Variants in SLC4A8 observed in about 807,000 individuals in gnomAD.
SLC4A8 encodes electroneutral sodium bicarbonate exchanger 1.
A neutral mutation model predicts 125.0 loss-of-function variants in SLC4A8; 40 were observed. That is an observed-to-expected ratio of 0.32 (90% confidence interval 0.25 to 0.42). The LOEUF is 0.42. SLC4A8 is among the 10% of genes least tolerant of loss of function. The pLI is 1.00. For missense variants in SLC4A8, 863 were observed against 1,355.1 expected, an observed-to-expected ratio of 0.64 and a Z score of 5.70; for synonymous variants, 456 against 476.0, an observed-to-expected ratio of 0.96 and a Z score of 0.55.
At chr12:51,485,062 A>C (rs1471629513) in intron 16 of SLC4A8, among the ~76,000 whole-genome samples, 1 of 152,068 alleles carries the variant, frequency 6.6e-6, no homozygotes, top group Non-Finnish European at 1.5e-5. Context: ...GTGTGTTTGG[A>C]GCAGAGTGGG....
chr12:51,433,851 G>GTTTTTTTTTTTTTTTT (rs869249897), intron 1 of SLC4A8, among the ~76,000 whole-genome samples: 11 of 65,286 alleles, frequency 1.7e-4, no homozygotes, highest in Non-Finnish European at 2.4e-4. Context: ...CACACCATCT[G>GTTTTTTTTTTTTTTTT]TTTTTTTTTT....
chr12:51,449,194 T>C (rs922196234), intron 2 of SLC4A8, among the ~76,000 whole-genome samples: 4 of 152,058 alleles, frequency 2.6e-5, no homozygotes, highest in Non-Finnish European at 5.9e-5. Flanking sequence ...TCCCAGTACT[T>C]TGGGAGGCCA....
intron 13 of SLC4A8, among the ~76,000 whole-genome samples, chr12:51,471,039 G>C (rs1592240293): frequency 1.3e-5 from 2 of 152,064 alleles, no homozygotes; most frequent in African/African-American, 4.8e-5. Context: ...AATTACATTA[G>C]GTAGTAATGG....
intron 19 of SLC4A8, among the ~76,000 whole-genome samples, chr12:51,493,115 G>A (rs1951361935): frequency 6.6e-6 from 1 of 152,088 alleles, no homozygotes; most frequent in South Asian, 2.1e-4. Context: ...GAGTCAATCT[G>A]AAGATTACCT....
intron 2 of SLC4A8, among the ~76,000 whole-genome samples, chr12:51,447,714 C>CTTTTTT (rs1239053396): frequency 3.2e-5 from 4 of 125,712 alleles, no homozygotes; most frequent in Admixed American, 8.2e-5. Context: ...GGGATTTCCA[C>CTTTTTT]TTTTTTTTTT....
chr12:51,504,353 A>G (rs1938074290), intron 23 of SLC4A8, among the ~76,000 whole-genome samples: 1 of 152,252 alleles, frequency 6.6e-6, no homozygotes, highest in African/African-American at 2.4e-5. Context: ...AAGAAAGCCA[A>G]TGTACTGAGT....
rs933579285 is a variant in SLC4A8, at chr12:51,512,251, T to C, written c.*4813T>C. On this transcript the variant is annotated 3_prime_UTR_variant, in exon 25 of 25. Transcript: ENST00000453097. Reference sequence around the variant, plus strand: ...ACAAGGCTGGAATATGGCCCTCTGCTGTAGGGGGCGTGGCACCTGTGACTT... The same window carrying C: ...ACAAGGCTGGAATATGGCCCTCTGCCGTAGGGGGCGTGGCACCTGTGACTT... The C allele has an allele frequency of 1.3e-5, 2 of 152,208 alleles. No individual in the cohort carries two copies. Among genetic ancestry groups the C allele is most frequent in the Non-Finnish European group, 1.5e-5 (1 of 68,048 alleles). The allele number at this position is 152,208 out of a possible 1,614,324, so 9.4% of individuals were successfully genotyped here.
intron 1 of SLC4A8, chr12:51,391,756 T>A (rs1435721457): frequency 6.6e-6 from 1 of 152,260 alleles, no homozygotes; most frequent in African/African-American, 2.4e-5. Flanking sequence ...GGTCCCGCCG[T>A]GTCCTCAGCC....
rs777959461 is a variant in SLC4A8 at position 51,497,049 on chromosome 12, C to T, written c.3006C>T (p.Ser1002=). Residue 1002 remains serine, a synonymous_variant, in exon 22 of 25, where the codon AGC becomes AGT. Transcript: ENST00000453097. ...TCTGTTTCTCTAAGCGAGAGCTGAG[C>T]TGGCTAGATGATCTCATGCCTGAAA... ...MDLCFSKREL[S]WLDDLMPESK... is the part of the protein sequence containing the mutation. 14 of 1,613,990 alleles carry T rather than the reference C, an allele frequency of 8.7e-6. 2 individuals are homozygous for T. The South Asian group carries it at 1.4e-4, about 16-fold the overall frequency.
chr12:51,399,997 A>AAC (rs1555184247), intron 1 of SLC4A8, among the ~76,000 whole-genome samples: 16 of 147,832 alleles, frequency 1.1e-4, no homozygotes, highest in African/African-American at 1.7e-4. Context: ...AAAAAAAAAA[A>AAC]AAACCATGTT....
intron 1 of SLC4A8, among the ~76,000 whole-genome samples, chr12:51,415,070 T>C (rs1948659595): frequency 6.6e-6 from 1 of 152,140 alleles, no homozygotes; most frequent in Non-Finnish European, 1.5e-5. Flanking sequence ...TTGTTGAGGG[T>C]TTTTTGCCTG....
At chr12:51,420,474 T>A (rs1012537220), upstream of SLC4A8, among the ~76,000 whole-genome samples, 1 of 152,230 alleles carries the variant, frequency 6.6e-6, no homozygotes, top group South Asian at 2.1e-4. Context: ...TCTCAATGTC[T>A]TTCAGGATAT....
intron 23 of SLC4A8, among the ~76,000 whole-genome samples, chr12:51,504,530 G>T (rs1042813562): frequency 1.3e-5 from 2 of 152,196 alleles, no homozygotes; most frequent in East Asian, 3.8e-4. Context: ...GAAAGATTAG[G>T]ATTCAAACCC....
chr12:51,491,427 G>T (rs1314956565), intron 19 of SLC4A8, among the ~76,000 whole-genome samples: 1 of 152,116 alleles, frequency 6.6e-6, no homozygotes, highest in Non-Finnish European at 1.5e-5. Context: ...GAAAACTAGG[G>T]GGATGTGGTA....
At chr12:51,409,793 A>C (rs1948561221) in intron 1 of SLC4A8, among the ~76,000 whole-genome samples, 1 of 152,218 alleles carries the variant, frequency 6.6e-6, no homozygotes, top group Non-Finnish European at 1.5e-5. Flanking sequence ...CTGCCTGAGA[A>C]GCCAAATACT....
Position 51,473,039 on chromosome 12 carries a change from C to T in SLC4A8, c.1905-1303C>T, listed in dbSNP as rs532753868. Among the ~76,000 whole-genome samples, 7 of 152,190 alleles carry T rather than the reference C, an allele frequency of 4.6e-5. No homozygotes were observed. In the East Asian group the frequency reaches 1.4e-3, roughly 29 times the overall value. On this transcript the variant is annotated intron_variant, in intron 14 of 24. Coordinates refer to ENST00000453097, the MANE Select transcript of SLC4A8 (RefSeq NM_001039960.3). ...GGTAAGTTTGTTACAATCAGTGAACCTACACAGACACATCATTGCCACCCA... is the reference window on the plus strand; with the variant it reads ...GGTAAGTTTGTTACAATCAGTGAACTTACACAGACACATCATTGCCACCCA...
intron 2 of SLC4A8, among the ~76,000 whole-genome samples, chr12:51,449,850 G>A (rs1201799260): frequency 2.6e-5 from 4 of 152,210 alleles, no homozygotes; most frequent in Non-Finnish European, 4.4e-5. Flanking sequence ...GCAACGTGGC[G>A]AGACCCCATC....
At chr12:51,442,836 G>A (rs959297928) in intron 2 of SLC4A8, among the ~76,000 whole-genome samples, 4 of 152,158 alleles carry the variant, frequency 2.6e-5, no homozygotes, top group Non-Finnish European at 5.9e-5. Context: ...TCACTCCGAA[G>A]GGCAGCCCTA....
chr12:51,406,782 C>T (rs1948496675), intron 1 of SLC4A8, among the ~76,000 whole-genome samples: 1 of 152,170 alleles, frequency 6.6e-6, no homozygotes, highest in African/African-American at 2.4e-5. Context: ...CCCCCAGATC[C>T]TTGAGGTTAC....
Sources: gnomAD v4.1 joint callset for allele counts (sites outside exome capture counted in the v4.1 genomes callset) on GRCh38, gnomAD v4.1.1 for gene constraint, MANE v1.5 for transcripts, NCBI Gene and HGNC (gene_info 2026-07-23, HGNC 2026-07-21) for gene names.